Variants in DCAF7 observed in about 807,000 individuals in gnomAD.
DCAF7 encodes the protein DDB1- and CUL4-associated factor 7.
In DCAF7, 4 loss-of-function variants were observed where a neutral mutation model predicts 41.2. That is an observed-to-expected ratio of 0.10 (90% CI 0.05 to 0.22). The LOEUF is 0.22. Ranked by LOEUF, DCAF7 falls within the 10% of genes least tolerant of loss-of-function variation. The probability of loss-of-function intolerance (pLI) is 1.00; values close to 1 mark genes in which losing one functional copy is unlikely to be tolerated. For synonymous variants in DCAF7, 143 were observed against 164.2 expected, an observed-to-expected ratio of 0.87 and a Z score of 0.99; for missense variants, 131 against 443.2, an observed-to-expected ratio of 0.30 and a Z score of 6.32.
chr17:63,580,507 C>CTTTTTTTTTTTTTT (rs530801174), intron 4 of DCAF7, among the ~76,000 whole-genome samples: 3 of 43,896 alleles, frequency 6.8e-5, no homozygotes, highest in Non-Finnish European at 1.3e-4. Context: ...TTTGTGATTG[C>CTTTTTTTTTTTTTT]TTTTTTTTTT....
At chr17:63,557,584 GAAA>G (rs2033324140) in intron 1 of DCAF7, among the ~76,000 whole-genome samples, 1 of 152,070 alleles carries the variant, frequency 6.6e-6, no homozygotes, top group Admixed American at 6.5e-5. Flanking sequence ...AGGACAGATT[GAAA>G]AATGAAACTG....
chr17:63,568,702 G>T (rs2033471799), intron 1 of DCAF7, among the ~76,000 whole-genome samples: 1 of 152,202 alleles, frequency 6.6e-6, no homozygotes, highest in South Asian at 2.1e-4. Flanking sequence ...AAGGGAGTTG[G>T]AGAATCGGAA....
Position 63,556,696 on chromosome 17 carries a change from G to A in DCAF7, c.138+5881G>A, listed in dbSNP as rs550378790. On this transcript the variant is annotated intron_variant, in intron 1 of 6. Transcript: ENST00000614556. Reference sequence around the variant, plus strand: ...AGCCTGACCAACATGGTGAAACCCCGGCTCTACTAAAAATATAAAAATTAG... The same window carrying A: ...AGCCTGACCAACATGGTGAAACCCCAGCTCTACTAAAAATATAAAAATTAG... 7.7e-4 allele frequency among the ~76,000 whole-genome samples: 116 copies of A among 151,616 alleles called. 1 individual carries two copies. The highest frequency in any genetic ancestry group is 1.0e-3 in the Non-Finnish European group (68 of 67,910).
Position 63,550,479 on chromosome 17 carries a change from C to T in DCAF7, c.-199C>T, listed in dbSNP as rs970176269. On this transcript the variant is annotated 5_prime_UTR_variant, in exon 1 of 7. Transcript: ENST00000614556. The surrounding 1 kb of genome is among the most constrained non-coding windows in gnomAD (Gnocchi z 4.8). Reference sequence around the variant, plus strand: ...GCGTCCCAAAACGGAAGGTGGTTGTCGTCCGTTCCCAAGCTGGTTTGAAAC... The same window carrying T: ...GCGTCCCAAAACGGAAGGTGGTTGTTGTCCGTTCCCAAGCTGGTTTGAAAC... The T allele has an allele frequency of 3.0e-5, 25 of 837,294 alleles. No individual in the cohort carries two copies. The highest frequency in any genetic ancestry group is 1.1e-4 in the South Asian group (5 of 46,760). 51.9% of individuals were successfully genotyped at this position (837,294 alleles called of 1,614,324 possible). A position where few individuals can be genotyped will look rare whatever the true frequency, so the allele number is the denominator to read the frequency against.
intron 1 of DCAF7, among the ~76,000 whole-genome samples, chr17:63,556,149 C>T (rs986594209): frequency 3.3e-5 from 5 of 152,216 alleles, no homozygotes; most frequent in African/African-American, 1.2e-4. Flanking sequence ...GTTTTATTAA[C>T]AATTGTGGGA....
At chr17:63,554,933 A>G (rs954408768) in intron 1 of DCAF7, among the ~76,000 whole-genome samples, 6 of 152,214 alleles carry the variant, frequency 3.9e-5, no homozygotes, top group Admixed American at 2.0e-4. Context: ...TCTGGGGGGA[A>G]AATTCCCTTA....
intron 1 of DCAF7, among the ~76,000 whole-genome samples, chr17:63,566,360 G>A (rs2033442040): frequency 9.4e-6 from 1 of 106,846 alleles, no homozygotes; most frequent in African/African-American, 4.7e-5. Flanking sequence ...AAAAGAGCGA[G>A]ACTCTGTCTC....
chr17:63,568,468 A>G (rs1401888044), intron 1 of DCAF7, among the ~76,000 whole-genome samples: 1 of 152,166 alleles, frequency 6.6e-6, no homozygotes, highest in Non-Finnish European at 1.5e-5. Flanking sequence ...TTTGGCCATC[A>G]CTTATGATGG....
chr17:63,587,478 T>C (rs1468310734), intron 6 of DCAF7, among the ~76,000 whole-genome samples: 3 of 152,220 alleles, frequency 2.0e-5, no homozygotes, highest in African/African-American at 7.2e-5. Context: ...GCTGTTGTTT[T>C]GTGTGTTGCA....
intron 1 of DCAF7, among the ~76,000 whole-genome samples, chr17:63,569,459 T>G (rs960996822): frequency 2.0e-5 from 3 of 151,388 alleles, no homozygotes; most frequent in Non-Finnish European, 4.4e-5. Flanking sequence ...GCAGGCATAG[T>G]TTTTAAGCTG....
rs112046443 is a variant in DCAF7, at chr17:63,561,189, C to T, written c.138+10374C>T. 4.9e-3 allele frequency among the ~76,000 whole-genome samples: 746 copies of T among 152,100 alleles called. 1 individual carries two copies. Among genetic ancestry groups the T allele is most frequent in the Non-Finnish European group, 7.6e-3 (518 of 67,998 alleles). On this transcript the variant is annotated intron_variant, in intron 1 of 6. Transcript: ENST00000614556. The stretch of plus-strand genomic sequence containing the variant: ...CTGAGGCAGGAGAATGACTTGAACC[C>T]GGGAGGCGGAGGTTGCAGTGAGCTG...
chr17:63,587,056 C>T (rs1324788313), intron 6 of DCAF7, among the ~76,000 whole-genome samples: 1 of 152,174 alleles, frequency 6.6e-6, no homozygotes, highest in Non-Finnish European at 1.5e-5. Flanking sequence ...CTGTCCTAGT[C>T]CTGTGATGTT....
At chr17:63,552,719 A>G (rs2033270551) in intron 1 of DCAF7, among the ~76,000 whole-genome samples, 1 of 152,204 alleles carries the variant, frequency 6.6e-6, no homozygotes, top group Admixed American at 6.5e-5. Context: ...TATTCCTCAG[A>G]GAGGAGAAAC....
rs1002554443 is a variant in DCAF7 at position 63,590,085 on chromosome 17, T to G, written c.*913T>G. ...AGCTGAACTTCAAGCATATTTCCAG[T>G]ACATTCTTTCAGAGTCTGTTTTTCC... On this transcript the variant is annotated 3_prime_UTR_variant, in exon 7 of 7. Transcript: ENST00000614556. 6.5e-6 allele frequency: 1 copy of G among 152,692 alleles called. No individual in the cohort carries two copies. Among genetic ancestry groups the G allele is most frequent in the African/African-American group, 2.4e-5 (1 of 41,466 alleles). 9.5% of individuals were successfully genotyped at this position (152,692 alleles called of 1,614,324 possible).
intron 5 of DCAF7, among the ~76,000 whole-genome samples, chr17:63,584,596 TA>T (rs904309583): frequency 6.6e-6 from 1 of 151,142 alleles, no homozygotes; most frequent in Non-Finnish European, 1.5e-5. Flanking sequence ...CCGTCTCTGC[TA>T]AAAAAATACA....
chr17:63,564,035 A>G (rs1215064692), intron 1 of DCAF7, among the ~76,000 whole-genome samples: 1 of 152,108 alleles, frequency 6.6e-6, no homozygotes, highest in Non-Finnish European at 1.5e-5. Flanking sequence ...GGAAAACTTT[A>G]CACTTAATGT....
At chr17:63,575,199 C>T (rs138420289) in intron 1 of DCAF7, among the ~76,000 whole-genome samples, 5 of 152,200 alleles carry the variant, frequency 3.3e-5, no homozygotes, top group Non-Finnish European at 2.9e-5. Context: ...GGCGTGGTCA[C>T]GCACGCCTAT....
chr17:63,550,495 G>A lies in DCAF7; in HGVS notation c.-183G>A. On this transcript the variant is annotated 5_prime_UTR_variant, in exon 1 of 7. Coordinates refer to ENST00000614556, the MANE Select transcript of DCAF7 (RefSeq NM_005828.5). This position sits in a 1 kb window ranked among gnomAD's most constrained non-coding sequence, Gnocchi z 4.8. The stretch of plus-strand genomic sequence containing the variant: ...GGTGGTTGTCGTCCGTTCCCAAGCT[G>A]GTTTGAAACTAGGGGTCGGGCTCGG... The A allele has an allele frequency of 6.1e-6, 6 of 988,236 alleles. No individual in the cohort carries two copies. Among genetic ancestry groups the A allele is most frequent in the Non-Finnish European group, 8.5e-6 (6 of 703,948 alleles). 61.2% of individuals were successfully genotyped at this position (988,236 alleles called of 1,614,324 possible).
At chr17:63,562,921 C>T (rs2033399917) in intron 1 of DCAF7, among the ~76,000 whole-genome samples, 1 of 151,744 alleles carries the variant, frequency 6.6e-6, no homozygotes, top group African/African-American at 2.4e-5. Context: ...ACCTCTCAGG[C>T]TCAAGAGATT....
Sources: gnomAD v4.1 joint callset for allele counts (sites outside exome capture counted in the v4.1 genomes callset) on GRCh38, gnomAD v4.1.1 for gene constraint, Gnocchi (gnomAD v3.1) non-coding constraint, MANE v1.5 for transcripts, NCBI Gene and HGNC (gene_info 2026-07-23, HGNC 2026-07-21) for gene names.